KIAA1217: variants seen among roughly 807,000 people sequenced by gnomAD.
KIAA1217 encodes sickle tail protein homolog.
In KIAA1217, 88 loss-of-function variants were observed where a neutral mutation model predicts 163.9. The ratio of observed to expected loss-of-function variants is 0.54; its 90% CI spans 0.45 to 0.64. KIAA1217 has a LOEUF of 0.64. Among genes scored for constraint, KIAA1217 ranks in the 30% least tolerant of loss-of-function variants. KIAA1217 has a pLI of 0.00. For missense variants in KIAA1217, 2,372 were observed against 2,475.0 expected, an observed-to-expected ratio of 0.96 and a Z score of 0.88; for synonymous variants, 903 against 923.1, an observed-to-expected ratio of 0.98 and a Z score of 0.39.
chr10:24,395,159 A>G (rs2055545167), intron 3 of KIAA1217, among the ~76,000 whole-genome samples: 1 of 152,070 alleles, frequency 6.6e-6, no homozygotes, highest in Non-Finnish European at 1.5e-5. Flanking sequence ...GAAAGTTGTC[A>G]TTTTACATTG....
intron 9 of KIAA1217, among the ~76,000 whole-genome samples, chr10:24,506,851 C>T (rs910344916): frequency 6.6e-6 from 1 of 152,116 alleles, no homozygotes; most frequent in Non-Finnish European, 1.5e-5. Flanking sequence ...GACTGGAGAA[C>T]CAAACACAAG....
chr10:23,846,946 G>A (rs193148239), intron 1 of KIAA1217, among the ~76,000 whole-genome samples: 1,958 of 152,144 alleles, frequency 0.013, 57 homozygotes, highest in African/African-American at 0.045. Context: ...TAGCATGAAG[G>A]GATGTTGAAT....
chr10:24,216,468 G>T (rs777019514), intron 1 of KIAA1217, among the ~76,000 whole-genome samples: 1 of 152,088 alleles, frequency 6.6e-6, no homozygotes, highest in Non-Finnish European at 1.5e-5. Flanking sequence ...TCATCTAGCT[G>T]TCCTGGATAA....
intron 1 of KIAA1217, among the ~76,000 whole-genome samples, chr10:23,882,061 C>T (rs1369653695): frequency 2.7e-5 from 4 of 146,290 alleles, no homozygotes; most frequent in Admixed American, 2.7e-4. Context: ...AGGAGTTATA[C>T]AGTTATACTT....
intron 5 of KIAA1217, among the ~76,000 whole-genome samples, chr10:24,463,708 C>T (rs1338552759): frequency 6.6e-6 from 1 of 152,192 alleles, no homozygotes; most frequent in Non-Finnish European, 1.5e-5. Context: ...ATATGTGTCA[C>T]AATACTATTG....
intron 2 of KIAA1217, among the ~76,000 whole-genome samples, chr10:24,315,728 G>A (rs1401554139): frequency 6.7e-6 from 1 of 150,008 alleles, no homozygotes; most frequent in South Asian, 2.1e-4. Flanking sequence ...TGCTAGCCTA[G>A]GCAACAGAGC....
intron 1 of KIAA1217, among the ~76,000 whole-genome samples, 159 bp from the exon 2 acceptor site, chr10:24,219,467 C>G (rs188370175): frequency 2.6e-5 from 4 of 152,286 alleles, no homozygotes; most frequent in Admixed American, 6.5e-5. Flanking sequence ...TGGATTTTCT[C>G]CCCTGACTGC....
intron 1 of KIAA1217, among the ~76,000 whole-genome samples, chr10:23,889,157 C>A (rs913071894): frequency 6.6e-6 from 1 of 151,836 alleles, no homozygotes; most frequent in African/African-American, 2.4e-5. Flanking sequence ...TTTTGGTGTT[C>A]ATAGATGTTT....
At chr10:24,032,447 A>G (rs962166686) in intron 2 of KIAA1217, among the ~76,000 whole-genome samples, 9 of 151,992 alleles carry the variant, frequency 5.9e-5, no homozygotes, top group African/African-American at 1.7e-4. Context: ...GGATCTCACT[A>G]TGTTGCCCAG....
chr10:24,334,480 G>GAAGGAAGA (rs548225852), intron 2 of KIAA1217, among the ~76,000 whole-genome samples: 13,802 of 81,744 alleles, frequency 0.17, 826 homozygotes, highest in Non-Finnish European at 0.2. Context: ...AGGAAGGAAG[G>GAAGGAAGA]AAGGAACTTA....
Position 24,543,540 on chromosome 10 carries a change from C to G in KIAA1217, c.4270C>G (p.Pro1424Ala), listed in dbSNP as rs745772906. 5 of 1,614,048 alleles carry G rather than the reference C, an allele frequency of 3.1e-6. No individual in the cohort carries two copies. The highest frequency in any genetic ancestry group is 4.2e-6 in the Non-Finnish European group (5 of 1,180,024). ...VNIDARKEMTPRQEGTDNEDP... is the reference protein window; with the variant it reads ...VNIDARKEMTARQEGTDNEDP... ...TATCGATGCCAGAAAAGAGATGACC[C>G]CCCGACAAGAAGGGACTGACAATGA... is the stretch of plus-strand genomic sequence containing the variant. Residue 1424 changes from proline to alanine, a missense_variant, in exon 19 of 21, where the codon CCC becomes GCC. Pro to Ala is a conservative substitution (Grantham distance 27). Coordinates refer to ENST00000376454, the MANE Select transcript of KIAA1217 (RefSeq NM_019590.5).
At chr10:24,528,201 C>A in intron 14 of KIAA1217, 82 bp downstream of exon 14, 1 of 1,102,730 alleles carries the variant, frequency 9.1e-7, no homozygotes, top group South Asian at 1.7e-5. Context: ...AGCACATACT[C>A]ATCAACAGAA....
At chr10:23,973,186 C>T (rs566669770) in intron 1 of KIAA1217, among the ~76,000 whole-genome samples, 16 of 151,562 alleles carry the variant, frequency 1.1e-4, no homozygotes, top group Non-Finnish European at 1.8e-4. Flanking sequence ...AGTTTTTTTC[C>T]GCATCCTTGT....
chr10:24,095,028 C>T (rs1045795044), intron 2 of KIAA1217, among the ~76,000 whole-genome samples: 2 of 152,320 alleles, frequency 1.3e-5, no homozygotes, highest in South Asian at 2.1e-4. Flanking sequence ...GGGCATAGGA[C>T]CCTCCGAGCC....
intron 2 of KIAA1217, among the ~76,000 whole-genome samples, chr10:24,268,266 C>A (rs995330342): frequency 6.6e-6 from 1 of 152,108 alleles, no homozygotes; most frequent in Non-Finnish European, 1.5e-5. Context: ...ATTTGAAATT[C>A]TTTTTAAATT....
intron 1 of KIAA1217, among the ~76,000 whole-genome samples, chr10:23,922,576 G>A (rs973529111): frequency 6.6e-6 from 1 of 152,178 alleles, no homozygotes; most frequent in Non-Finnish European, 1.5e-5. Flanking sequence ...GGTAGTTAGT[G>A]TTAGAATGAA....
chr10:23,899,778 T>C (rs1841877930), intron 1 of KIAA1217, among the ~76,000 whole-genome samples: 1 of 152,140 alleles, frequency 6.6e-6, no homozygotes, highest in Non-Finnish European at 1.5e-5. Context: ...TGTATGTGTG[T>C]GTTTGTGTGT....
intron 5 of KIAA1217, among the ~76,000 whole-genome samples, chr10:24,448,235 C>G (rs918838573): frequency 1.4e-5 from 2 of 147,676 alleles, no homozygotes; most frequent in Non-Finnish European, 3.0e-5. Context: ...GTTATCTAAC[C>G]TTTTTTTGCG....
At chr10:23,949,883 C>T (rs1439249680) in intron 1 of KIAA1217, among the ~76,000 whole-genome samples, 1 of 152,180 alleles carries the variant, frequency 6.6e-6, no homozygotes, top group African/African-American at 2.4e-5. Context: ...ACTCTGGAAT[C>T]ACAATGATAG....
Sources: allele counts gnomAD v4.1 joint callset (sites outside exome capture counted in the v4.1 genomes callset), GRCh38; gene constraint gnomAD v4.1.1; transcripts MANE v1.5; gene names NCBI Gene and HGNC (gene_info 2026-07-23, HGNC 2026-07-21).